The following GRAP2 variants were observed in gnomAD, a reference collection of about 807,000 sequenced individuals.
GRAP2 encodes the protein GRB2 related adaptor protein 2, also known as GRB2-related adapter protein 2.
Under a neutral mutation model 43.5 loss-of-function variants are expected in GRAP2, and 31 were observed. The ratio of observed to expected loss-of-function variants is 0.71; its 90% CI spans 0.54 to 0.96. The LOEUF is 0.96. GRAP2 is among the 40% of genes least tolerant of loss of function. The pLI is 0.00. For missense variants in GRAP2, 371 were observed against 424.4 expected, an observed-to-expected ratio of 0.87 and a Z score of 1.11; for synonymous variants, 156 against 164.8, an observed-to-expected ratio of 0.95 and a Z score of 0.41.
chr22:39,899,700 G>C (rs562672740), upstream of GRAP2, among the ~76,000 whole-genome samples: 58 of 152,214 alleles, frequency 3.8e-4, no homozygotes, highest in Non-Finnish European at 7.6e-4. Context: ...AGGAGCTACA[G>C]GGCCGGGTGC....
At chr22:39,918,060 A>G (rs1164965368) in intron 1 of GRAP2, among the ~76,000 whole-genome samples, 1 of 152,196 alleles carries the variant, frequency 6.6e-6, no homozygotes, top group East Asian at 1.9e-4. Context: ...CCTTGCAACA[A>G]CAGATGTTAC....
chr22:39,926,469 G>A (rs563784061), intron 1 of GRAP2: 74 of 311,260 alleles, frequency 2.4e-4, no homozygotes, highest in Non-Finnish European at 2.7e-4. Flanking sequence ...AGTTAGCTCC[G>A]TAAGCCCAAC....
intron 1 of GRAP2, among the ~76,000 whole-genome samples, chr22:39,905,361 A>G (rs1225980993): frequency 6.6e-6 from 1 of 152,172 alleles, no homozygotes; most frequent in African/African-American, 2.4e-5. Flanking sequence ...TATTGAGTGC[A>G]TAAGTTCAGG....
chr22:39,935,191 GTTCATTCTTTCT>G (rs1349872513), intron 1 of GRAP2, among the ~76,000 whole-genome samples: 3 of 152,124 alleles, frequency 2.0e-5, no homozygotes, highest in Non-Finnish European at 2.9e-5. Context: ...TCTTTTGTTC[GTTCATTCTTTCT>G]TTCATTCTTT....
chr22:39,940,560 A>G (rs2066857935), intron 1 of GRAP2, among the ~76,000 whole-genome samples: 1 of 152,072 alleles, frequency 6.6e-6, no homozygotes, highest in African/African-American at 2.4e-5. Context: ...TCCTATGTCC[A>G]ATGCCCAATA....
intron 1 of GRAP2, among the ~76,000 whole-genome samples, chr22:39,940,529 T>C (rs187359302): frequency 3.9e-5 from 6 of 152,284 alleles, no homozygotes. Context: ...GGGCCATCTG[T>C]AACCTTTCTC....
chr22:39,955,333 G>T (rs1199870049), intron 2 of GRAP2, among the ~76,000 whole-genome samples: 1 of 151,918 alleles, frequency 6.6e-6, no homozygotes, highest in Non-Finnish European at 1.5e-5. Flanking sequence ...ACTCCAGCCT[G>T]GCGACAGAGC....
intron 1 of GRAP2, among the ~76,000 whole-genome samples, chr22:39,920,725 T>C (rs1186535032): frequency 6.6e-6 from 1 of 152,106 alleles, no homozygotes; most frequent in Admixed American, 6.5e-5. Context: ...CAGAGTAAGT[T>C]CCGTCACTCT....
At chr22:39,952,025 T>G (rs978652614) in intron 2 of GRAP2, among the ~76,000 whole-genome samples, 4 of 150,008 alleles carry the variant, frequency 2.7e-5, no homozygotes, top group East Asian at 3.9e-4. Context: ...TGTGGTTTTT[T>G]TTTTTTTTTT....
In GRAP2 at chr22:39,969,456, A is replaced by G. The variant is rs760617301; in HGVS notation, c.736A>G (p.Thr246Ala). The G allele has an allele frequency of 2.5e-6, 4 of 1,613,938 alleles. No homozygotes were observed. Among genetic ancestry groups the G allele is most frequent in the Non-Finnish European group, 3.4e-6 (4 of 1,179,954 alleles). ...TGACATAAATGATGGGCATTGTGGC[A>G]CCGGCTTGGGCAGTGAAATGAATGC... ...SLDINDGHCG[T>A]GLGSEMNAAL... Residue 246 changes from threonine to alanine, a missense_variant, in exon 7 of 8, where the codon ACC becomes GCC. Thr to Ala is a moderately conservative substitution (Grantham distance 58, BLOSUM62 0). Coordinates refer to ENST00000344138, the MANE Select transcript of GRAP2 (RefSeq NM_004810.4).
At chr22:39,897,665 A>G (rs1032054404), upstream of GRAP2, among the ~76,000 whole-genome samples, 5 of 151,930 alleles carry the variant, frequency 3.3e-5, no homozygotes, top group African/African-American at 1.2e-4. Flanking sequence ...GATTACAGGC[A>G]TGCGCCACCA....
chr22:39,923,774 C>G (rs2066674002), intron 1 of GRAP2, among the ~76,000 whole-genome samples: 1 of 152,210 alleles, frequency 6.6e-6, no homozygotes, highest in South Asian at 2.1e-4. Flanking sequence ...AGTTTAAAAG[C>G]TACTTTTCTC....
At chr22:39,947,577 C>T (rs2066937203) in intron 2 of GRAP2, 1 of 206,490 alleles carries the variant, frequency 4.8e-6, no homozygotes, top group African/African-American at 2.3e-5. Context: ...TTAGCTAAAG[C>T]TCAGAGATGT....
At chr22:39,944,663 C>G (rs1004032597) in intron 1 of GRAP2, among the ~76,000 whole-genome samples, 1 of 152,156 alleles carries the variant, frequency 6.6e-6, no homozygotes, top group Non-Finnish European at 1.5e-5. Flanking sequence ...TATTCAGAAG[C>G]AATTTTACTT....
chr22:39,928,397 G>C (rs553201859), intron 1 of GRAP2, among the ~76,000 whole-genome samples: 4 of 152,252 alleles, frequency 2.6e-5, no homozygotes, highest in African/African-American at 9.6e-5. Flanking sequence ...CCTTCAAGTT[G>C]GCTTAATATT....
intron 7 of GRAP2, 50 bp downstream of exon 7, chr22:39,969,583 G>A (rs751993784): frequency 1.3e-6 from 2 of 1,590,204 alleles, no homozygotes; most frequent in South Asian, 2.2e-5. Context: ...CCTTGGGACA[G>A]AGGTCAATGG....
rs1711528083 is a variant in GRAP2, at chr22:39,965,991, C to T, written c.292C>T (p.His98Tyr). 1.2e-6 allele frequency: 2 copies of T among 1,613,508 alleles called. No homozygotes were observed. Among genetic ancestry groups the T allele is most frequent in the Non-Finnish European group, 8.5e-7 (1 of 1,179,396 alleles). Residue 98 changes from histidine (H) to tyrosine (Y), a missense_variant and splice_region_variant, in exon 5 of 8, where the codon CAT becomes TAT. Coordinates refer to ENST00000344138, the MANE Select transcript of GRAP2 (RefSeq NM_004810.4). ...SPGDFSISVR[H>Y]EDDVQHFKVM... ...ATTTTGTTTTGCCTTGATCTCCAGG[C>T]ATGAGGATGACGTTCAACACTTCAA...
chr22:39,947,986 A>G (rs1007256865), intron 2 of GRAP2: 3 of 152,316 alleles, frequency 2.0e-5, no homozygotes, highest in Admixed American at 6.6e-5. Flanking sequence ...TGGTCCTCAG[A>G]TAGCCTGATC....
At chr22:39,954,140 A>G (rs557633931) in intron 2 of GRAP2, among the ~76,000 whole-genome samples, 2 of 152,300 alleles carry the variant, frequency 1.3e-5, no homozygotes, top group East Asian at 1.9e-4. Context: ...TCCTCTACAT[A>G]TGGATGCCTT....
Sources: gnomAD v4.1 joint callset for allele counts (sites outside exome capture counted in the v4.1 genomes callset) on GRCh38, gnomAD v4.1.1 for gene constraint, MANE v1.5 for transcripts, NCBI Gene and HGNC (gene_info 2026-07-23, HGNC 2026-07-21) for gene names.